Variants in FLNB observed in about 807,000 individuals in gnomAD.
FLNB encodes filamin B.
In FLNB, 111 loss-of-function variants were observed where a neutral mutation model predicts 250.6. The ratio of observed to expected loss-of-function variants is 0.44; its 90% CI spans 0.38 to 0.52. The LOEUF (loss-of-function observed/expected upper bound fraction) is 0.52. Ranked by LOEUF, FLNB falls within the 20% of genes least tolerant of loss-of-function variation. FLNB has a pLI of 0.00. For missense variants in FLNB, 2,869 were observed against 3,447.8 expected, an observed-to-expected ratio of 0.83 and a Z score of 4.20; for synonymous variants, 1,302 against 1,372.1, an observed-to-expected ratio of 0.95 and a Z score of 1.13.
chr3:58,036,528 G>T (rs371255134), intron 1 of FLNB, among the ~76,000 whole-genome samples: 2 of 152,170 alleles, frequency 1.3e-5, no homozygotes, highest in African/African-American at 4.8e-5. Context: ...GCTCTGGGAG[G>T]TGTCAGCTGA....
At chr3:58,156,422 A>G (rs913473963) in intron 41 of FLNB, among the ~76,000 whole-genome samples, 1 of 152,242 alleles carries the variant, frequency 6.6e-6, no homozygotes, top group African/African-American at 2.4e-5. Context: ...CACAAAAATA[A>G]CAGTGCAGTG....
Position 58,110,180 on chromosome 3 carries a change from G to A in FLNB, c.2484+10G>A. 1 of 1,614,112 alleles carries A rather than the reference G, an allele frequency of 6.2e-7. No individual in the cohort carries two copies. ...TCTCTTTGCATCTCAGGTACGTGGT[G>A]GGGCCTGGGAGGAGATGGGTGGAGT... On this transcript the variant is annotated intron_variant, in intron 16 of 45. Coordinates refer to ENST00000295956, the MANE Select transcript of FLNB (RefSeq NM_001457.4).
chr3:58,064,338 A>C (rs1382525258), intron 1 of FLNB, among the ~76,000 whole-genome samples: 1 of 152,004 alleles, frequency 6.6e-6, no homozygotes, highest in African/African-American at 2.4e-5. Context: ...ATGGGGTTTC[A>C]CCATGGCTGG....
chr3:58,118,378 T>C (rs1322356313), intron 18 of FLNB, among the ~76,000 whole-genome samples: 2 of 152,190 alleles, frequency 1.3e-5, no homozygotes, highest in African/African-American at 4.8e-5. Flanking sequence ...CAGGCCCAGC[T>C]GCACTGGCTG....
chr3:58,148,887 G>C (rs2097340303), intron 36 of FLNB, 35 bp downstream of exon 36: 1 of 1,582,840 alleles, frequency 6.3e-7, no homozygotes. Flanking sequence ...CCCAGAGCTT[G>C]TGGGAACCGA....
rs770097697 is a variant in FLNB at position 58,098,804 on chromosome 3, A to T, written c.1241A>T (p.Tyr414Phe). ...LLVEDKGNQV[Y>F]RCVYKPMQPG... is the part of the protein sequence containing the mutation. ...GTGGAAGACAAAGGAAACCAGGTGTATCGATGTGTGTACAAACCCATGCAG... is the reference window on the plus strand; with the variant it reads ...GTGGAAGACAAAGGAAACCAGGTGTTTCGATGTGTGTACAAACCCATGCAG... The change falls in exon 8 of 46, where the codon TAT becomes TTT. Residue 414 changes from tyrosine to phenylalanine, a missense_variant. Transcript: ENST00000295956. 3.1e-6 allele frequency: 5 copies of T among 1,614,180 alleles called. No homozygotes were observed. In the Admixed American group the frequency reaches 8.3e-5, roughly 27 times the overall value.
At chr3:58,043,064 A>C (rs1437350173) in intron 1 of FLNB, among the ~76,000 whole-genome samples, 1 of 147,802 alleles carries the variant, frequency 6.8e-6, no homozygotes, top group Admixed American at 6.8e-5. Flanking sequence ...TGTCTGCATT[A>C]TTGGGTTGTT....
chr3:58,134,080 G>A (rs566639484), intron 26 of FLNB, among the ~76,000 whole-genome samples: 37 of 152,286 alleles, frequency 2.4e-4, no homozygotes, highest in Admixed American at 2.2e-3. Context: ...TTGGAACAGA[G>A]GTCCCCAACC....
Position 58,106,735 on chromosome 3 carries a change from TG to T in FLNB, c.1805del (p.Gly602AspfsTer79). 6.2e-7 allele frequency: 1 copy of T among 1,614,166 alleles called. No individual in the cohort carries two copies. Among genetic ancestry groups the T allele is most frequent in the Non-Finnish European group, 8.5e-7 (1 of 1,180,014 alleles). On this transcript the variant is annotated frameshift_variant, in exon 12 of 46. Transcript: ENST00000295956. LOFTEE classifies it high-confidence loss of function. ...AGATTGAGTACAACGACCAGAATGA[TG>T]GATCGTGTGATGTCAAATACTGGCC... is the stretch of plus-strand genomic sequence containing the variant. ...AKIEYNDQND[G>X]SCDVKYWPKE...
intron 1 of FLNB, among the ~76,000 whole-genome samples, chr3:58,067,496 G>A (rs1229482381): frequency 6.6e-6 from 1 of 151,610 alleles, no homozygotes; most frequent in Non-Finnish European, 1.5e-5. Context: ...TACCAATTGA[G>A]ATAGGCCCAT....
In FLNB at chr3:58,008,738, C is replaced by T. The variant is rs2097093923; in HGVS notation, c.174C>T (p.Ser58=). Residue 58 remains serine (S), a synonymous_variant, in exon 1 of 46, where the codon AGC becomes AGT. Transcript: ENST00000295956. Reference sequence around the variant, plus strand: ...TCATCGCGCTGCTCGAGGTGCTCAGCCAGAAGCGCATGTACCGCAAGTACC... The same window carrying T: ...TCATCGCGCTGCTCGAGGTGCTCAGTCAGAAGCGCATGTACCGCAAGTACC... ...LRLIALLEVL[S]QKRMYRKYHQ... is the part of the protein sequence containing the mutation. The T allele has an allele frequency of 6.2e-7, 1 of 1,614,170 alleles. No individual in the cohort carries two copies. Among genetic ancestry groups the T allele is most frequent in the East Asian group, 2.2e-5 (1 of 44,880 alleles).
At chr3:58,109,515 A>G (rs988761616) in intron 14 of FLNB, 61 bp from the exon 15 acceptor site, 9 of 1,613,164 alleles carry the variant, frequency 5.6e-6, no homozygotes, top group South Asian at 3.3e-5. Context: ...ATGTTTTTTA[A>G]TAGTATTTTA....
chr3:58,009,059 G>A (rs984336988), intron 1 of FLNB, among the ~76,000 whole-genome samples: 30 of 152,200 alleles, frequency 2.0e-4, no homozygotes, highest in African/African-American at 7.0e-4. Context: ...ATCGCTCCCC[G>A]CCATCCGCCC....
rs564674263 is a variant in FLNB at position 58,011,178 on chromosome 3, C to T, written c.292+2322C>T. On this transcript the variant is annotated intron_variant, in intron 1 of 45. Transcript: ENST00000295956. Reference sequence around the variant, plus strand: ...TATGCCCGCCTCGGCCTCCCAAGTGCGGGGGTTACAGCCCTGAGCCACCGC... The same window carrying T: ...TATGCCCGCCTCGGCCTCCCAAGTGTGGGGGTTACAGCCCTGAGCCACCGC... 6.3e-4 allele frequency among the ~76,000 whole-genome samples: 96 copies of T among 152,156 alleles called. 1 individual carries two copies. In the South Asian group the frequency reaches 0.012, roughly 19 times the overall value.
chr3:58,025,642 G>GCT (rs1402793088), intron 1 of FLNB, among the ~76,000 whole-genome samples: 1 of 152,174 alleles, frequency 6.6e-6, no homozygotes, highest in Admixed American at 6.5e-5. Context: ...ATCCTTAAAT[G>GCT]CTCTGTCTTA....
At chr3:58,095,056 A>G (rs1245032172) in intron 5 of FLNB, 102 bp downstream of exon 5, 2 of 954,862 alleles carry the variant, frequency 2.1e-6, no homozygotes, top group East Asian at 4.8e-5. Flanking sequence ...TCAGCTCACA[A>G]CCAAAAGTGT....
At chr3:58,094,731 C>T (rs528025277) in intron 4 of FLNB, 105 bp from the exon 5 acceptor site, 27 of 943,280 alleles carry the variant, frequency 2.9e-5, no homozygotes, top group African/African-American at 9.6e-5. Flanking sequence ...ATGGGATCTG[C>T]AGGGCTGGGT....
chr3:58,058,977 T>G (rs1430381875), intron 1 of FLNB, among the ~76,000 whole-genome samples: 1 of 152,244 alleles, frequency 6.6e-6, no homozygotes. Context: ...GAGATAAAAT[T>G]TTTAAACATC....
intron 1 of FLNB, among the ~76,000 whole-genome samples, chr3:58,038,596 T>C (rs1411093118): frequency 1.4e-5 from 2 of 138,344 alleles, no homozygotes; most frequent in African/African-American, 5.7e-5. Flanking sequence ...AGTTAATTAA[T>C]TTTTTTTTTT....
Sources: allele counts gnomAD v4.1 joint callset (sites outside exome capture counted in the v4.1 genomes callset), GRCh38; gene constraint gnomAD v4.1.1; transcripts MANE v1.5; gene names NCBI Gene and HGNC (gene_info 2026-07-23, HGNC 2026-07-21).